The following SMOC2 variants were observed in gnomAD, a reference collection of about 807,000 sequenced individuals.
The protein encoded by SMOC2 is SPARC related modular calcium binding 2.
Under a neutral mutation model 61.4 loss-of-function variants are expected in SMOC2, and 39 were observed. The observed-to-expected ratio is 0.64, with a 90% CI of 0.49 to 0.83. The LOEUF (loss-of-function observed/expected upper bound fraction) is 0.83. SMOC2 is among the 40% of genes least tolerant of loss of function. The pLI, the probability that SMOC2 is intolerant of heterozygous loss-of-function variation, is 0.00. For synonymous variants in SMOC2, 247 were observed against 239.9 expected, an observed-to-expected ratio of 1.03 and a Z score of -0.27; for missense variants, 556 against 592.9, an observed-to-expected ratio of 0.94 and a Z score of 0.65.
chr6:168,599,581 A>ACACACACCCACACACACACACCCC (rs138811685), intron 8 of SMOC2, among the ~76,000 whole-genome samples: 48 of 31,640 alleles, frequency 1.5e-3, no homozygotes, highest in East Asian at 2.8e-3. Flanking sequence ...CACTCATACC[A>ACACACACCCACACACACACACCCC]CACACACCCA....
At chr6:168,482,669 A>G (rs944858414) in intron 1 of SMOC2, among the ~76,000 whole-genome samples, 5 of 152,140 alleles carry the variant, frequency 3.3e-5, no homozygotes, top group Non-Finnish European at 5.9e-5. Context: ...AATGTAGCAA[A>G]CTGAATTCAG....
At chr6:168,567,524 T>C (rs1447738650) in intron 7 of SMOC2, among the ~76,000 whole-genome samples, 1 of 152,212 alleles carries the variant, frequency 6.6e-6, no homozygotes, top group Non-Finnish European at 1.5e-5. Flanking sequence ...TGTCTTTCTA[T>C]AATTTGTAAA....
At chr6:168,509,133 G>A (rs1184934918) in intron 1 of SMOC2, among the ~76,000 whole-genome samples, 1 of 152,198 alleles carries the variant, frequency 6.6e-6, no homozygotes, top group Admixed American at 6.5e-5. Context: ...CAGATCGGAG[G>A]CTTCCCTGGG....
intron 7 of SMOC2, among the ~76,000 whole-genome samples, chr6:168,573,466 T>A (rs997596601): frequency 6.6e-6 from 1 of 151,224 alleles, no homozygotes; most frequent in Non-Finnish European, 1.5e-5. Flanking sequence ...CCTGGGGACT[T>A]GGCTGAAAGG....
intron 1 of SMOC2, among the ~76,000 whole-genome samples, chr6:168,485,914 A>G (rs1397067990): frequency 6.6e-6 from 1 of 152,182 alleles, no homozygotes; most frequent in Non-Finnish European, 1.5e-5. Flanking sequence ...ATTCAAAAGT[A>G]TTCTGTCTAA....
chr6:168,462,807 G>A lies in SMOC2; in HGVS notation c.84+21353G>A, dbSNP rs181239996. Among the ~76,000 whole-genome samples, 44 of 152,332 alleles carry A rather than the reference G, an allele frequency of 2.9e-4. No individual in the cohort carries two copies. The East Asian group carries it at 4.1e-3, about 14-fold the overall frequency. ...GGAAGTGACTAACCTCAGGCACTTT[G>A]AGTTTGCTTTGCCAACTCTCTGTGT... is the stretch of plus-strand genomic sequence containing the variant. On this transcript the variant is annotated intron_variant, in intron 1 of 12. Transcript: ENST00000356284.
intron 4 of SMOC2, among the ~76,000 whole-genome samples, chr6:168,541,832 G>A (rs890385551): frequency 6.6e-6 from 1 of 152,196 alleles, no homozygotes; most frequent in Non-Finnish European, 1.5e-5. Flanking sequence ...GCAAGGGCCC[G>A]AAGAGAAAGC....
At position 168,506,654 on chromosome 6, in the gene SMOC2, C is replaced by A. The variant is rs148848417; in HGVS notation, c.85-3261C>A. Among the ~76,000 whole-genome samples, 251 of 152,262 alleles carry A rather than the reference C, an allele frequency of 1.6e-3. 1 individual carries two copies. The highest frequency in any genetic ancestry group is 5.3e-3 in the African/African-American group (219 of 41,538). ...ACAAAGACACTTCCTGTGCCCTCCCCCCCACCACTTCCTTACACCTGGGCT... is the reference window on the plus strand; with the variant it reads ...ACAAAGACACTTCCTGTGCCCTCCCACCCACCACTTCCTTACACCTGGGCT... On this transcript the variant is annotated intron_variant, in intron 1 of 12. Coordinates refer to ENST00000356284, the MANE Select transcript of SMOC2 (RefSeq NM_001166412.2).
intron 7 of SMOC2, among the ~76,000 whole-genome samples, chr6:168,570,200 C>A (rs1427820499): frequency 6.6e-6 from 1 of 152,070 alleles, no homozygotes; most frequent in African/African-American, 2.4e-5. Context: ...CAGAAATTGG[C>A]CATGGGCTGA....
At chr6:168,450,727 C>G (rs1781441716) in intron 1 of SMOC2, among the ~76,000 whole-genome samples, 1 of 152,126 alleles carries the variant, frequency 6.6e-6, no homozygotes, top group Admixed American at 6.5e-5. Context: ...TCATTGATAT[C>G]CTTTTAAGAA....
At chr6:168,530,513 A>C (rs547886419) in intron 4 of SMOC2, among the ~76,000 whole-genome samples, 3 of 152,246 alleles carry the variant, frequency 2.0e-5, no homozygotes, top group South Asian at 4.2e-4. Flanking sequence ...TGACCAGTAA[A>C]GGCAGGAAAA....
At chr6:168,531,000 C>A (rs1783588163) in intron 4 of SMOC2, among the ~76,000 whole-genome samples, 1 of 152,284 alleles carries the variant, frequency 6.6e-6, no homozygotes, top group Non-Finnish European at 1.5e-5. Flanking sequence ...CCAGTGCCTT[C>A]CTCAGTGGTG....
intron 7 of SMOC2, among the ~76,000 whole-genome samples, chr6:168,578,449 T>C (rs1784854253): frequency 6.6e-6 from 1 of 152,230 alleles, no homozygotes; most frequent in Admixed American, 6.5e-5. Context: ...ACAGTCTCTG[T>C]CCTTTCTGCT....
chr6:168,523,130 G>A (rs1350317608), intron 2 of SMOC2, among the ~76,000 whole-genome samples: 22 of 104,286 alleles, frequency 2.1e-4, no homozygotes, highest in African/African-American at 5.5e-4. Context: ...CGCCCAGGCC[G>A]GACTGCGGAC....
At chr6:168,639,091 C>T (rs1362072127) in intron 9 of SMOC2, among the ~76,000 whole-genome samples, 1 of 152,138 alleles carries the variant, frequency 6.6e-6, no homozygotes, top group Non-Finnish European at 1.5e-5. Context: ...GACATCCTAG[C>T]AATGTTTCAG....
At chr6:168,480,081 G>C (rs1782172917) in intron 1 of SMOC2, among the ~76,000 whole-genome samples, 1 of 151,924 alleles carries the variant, frequency 6.6e-6, no homozygotes, top group African/African-American at 2.4e-5. Context: ...CCCACAATAA[G>C]AAAAAATATA....
chr6:168,530,411 A>G (rs1387407388), intron 4 of SMOC2, among the ~76,000 whole-genome samples: 4 of 152,158 alleles, frequency 2.6e-5, no homozygotes, highest in African/African-American at 4.8e-5. Flanking sequence ...ATAAATTCCT[A>G]TTAATCAGAT....
chr6:168,555,329 G>C (rs1237824490), intron 7 of SMOC2, among the ~76,000 whole-genome samples: 1 of 152,228 alleles, frequency 6.6e-6, no homozygotes, highest in Non-Finnish European at 1.5e-5. Flanking sequence ...TCAAATATCC[G>C]GGGTCCTGTG....
At chr6:168,558,467 C>G (rs757570652) in intron 7 of SMOC2, among the ~76,000 whole-genome samples, 40 of 152,300 alleles carry the variant, frequency 2.6e-4, no homozygotes, top group Non-Finnish European at 4.4e-4. Flanking sequence ...GGGAGCCTCC[C>G]TGGTCCCTGG....
Sources: allele counts gnomAD v4.1 joint callset (sites outside exome capture counted in the v4.1 genomes callset), GRCh38; gene constraint gnomAD v4.1.1; transcripts MANE v1.5; gene names NCBI Gene and HGNC (gene_info 2026-07-23, HGNC 2026-07-21).